Variants in RASAL1 observed in about 807,000 individuals in gnomAD.
The protein encoded by RASAL1 is rasGAP-activating-like protein 1.
RASAL1 carries 72 observed loss-of-function variants against 96.6 expected under a neutral mutation model. The ratio of observed to expected loss-of-function variants is 0.75; its 90% CI spans 0.62 to 0.91. RASAL1 has a LOEUF of 0.91. Among genes scored for constraint, RASAL1 ranks in the 40% least tolerant of loss-of-function variants. RASAL1 has a pLI of 0.00. For missense variants in RASAL1, 1,016 were observed against 1,072.5 expected, an observed-to-expected ratio of 0.95 and a Z score of 0.74; for synonymous variants, 405 against 430.4, an observed-to-expected ratio of 0.94 and a Z score of 0.73.
chr12:113,126,649 G>A (rs1231268870), intron 4 of RASAL1, among the ~76,000 whole-genome samples: 2 of 151,040 alleles, frequency 1.3e-5, no homozygotes, highest in African/African-American at 4.9e-5. Context: ...ACCACTTCAC[G>A]ACAGCCTGGG....
In RASAL1 at chr12:113,111,701, C is replaced by T. The variant is rs1234896631; in HGVS notation, c.1374+385G>A. On this transcript the variant is annotated intron_variant, in intron 13 of 20. Transcript: ENST00000548055. The stretch of plus-strand genomic sequence containing the variant: ...CTCTGTCTCCTGGCTTCAAGCGATT[C>T]TCCTGACTCAGCCTCCGGAGTAGCT... Among the ~76,000 whole-genome samples the T allele has an allele frequency of 2.0e-5, 3 of 152,196 alleles. No individual in the cohort carries two copies. The East Asian group carries it at 5.8e-4, about 29-fold the overall frequency.
chr12:113,136,013 C>T (rs906536860), upstream of RASAL1: 1 of 153,824 alleles, frequency 6.5e-6, no homozygotes, highest in Non-Finnish European at 1.4e-5. Flanking sequence ...CCGCCTGTCC[C>T]TCATCCAACA....
At chr12:113,120,259 C>T (rs980773479) in intron 5 of RASAL1, among the ~76,000 whole-genome samples, 5 of 152,172 alleles carry the variant, frequency 3.3e-5, no homozygotes, top group African/African-American at 9.7e-5. Flanking sequence ...AGTTGCTAAG[C>T]GACAGCAATC....
intron 15 of RASAL1, 150 bp downstream of exon 15, chr12:113,106,947 C>T (rs1950667399): frequency 2.2e-6 from 2 of 894,776 alleles, no homozygotes; most frequent in Admixed American, 2.8e-5. Context: ...ATCTCTGGGG[C>T]CTAGCACAGT....
chr12:113,118,131 AAAT>A (rs1258002914), intron 7 of RASAL1, among the ~76,000 whole-genome samples: 1 of 152,080 alleles, frequency 6.6e-6, no homozygotes, highest in Middle Eastern at 3.2e-3. Context: ...GACTGAGGCA[AAAT>A]AATTCCTTGA....
Position 113,100,664 on chromosome 12 carries a change from C to A in RASAL1, c.2242G>T (p.Asp748Tyr). Reference sequence around the variant, plus strand: ...TCCAGAGTTGTATCCATGTTAGAATCCTCCAGTAATTTCAGCCTGGAAGGT... The same window carrying A: ...TCCAGAGTTGTATCCATGTTAGAATACTCCAGTAATTTCAGCCTGGAAGGT... ...RDQLRLKLLE[D>Y]SNMDTTLEAD... Residue 748 changes from aspartate (D) to tyrosine (Y), a missense_variant, in exon 20 of 21, where the codon GAT becomes TAT. By Grantham distance (160) the Asp-to-Tyr change is radical. Transcript: ENST00000548055. 2 of 1,609,826 alleles carry A rather than the reference C, an allele frequency of 1.2e-6. No individual in the cohort carries two copies. The highest frequency in any genetic ancestry group is 1.7e-5 in the Admixed American group (1 of 59,924).
chr12:113,110,657 C>T (rs924321699), intron 13 of RASAL1, among the ~76,000 whole-genome samples: 5 of 152,174 alleles, frequency 3.3e-5, no homozygotes, highest in Admixed American at 6.5e-5. Flanking sequence ...CGGTGGTTCA[C>T]GCCTGTAGTC....
In RASAL1 at chr12:113,115,091, C is replaced by T. The variant is rs368316612; in HGVS notation, c.1068+109G>A. On this transcript the variant is annotated intron_variant, in intron 11 of 20. Transcript: ENST00000548055. This position sits in a 1 kb window ranked among gnomAD's most constrained non-coding sequence, Gnocchi z 4.1. The stretch of plus-strand genomic sequence containing the variant: ...GGCACCAGCCGCCAGCACTGCAGCT[C>T]GGCTGCTCAGTGCTGTCTGAAGCCA... The T allele has an allele frequency of 2.3e-4, 287 of 1,268,816 alleles. 2 individuals carry two copies. The East Asian group carries it at 2.5e-3, about 11-fold the overall frequency. 78.6% of individuals were successfully genotyped at this position (1,268,816 alleles called of 1,614,324 possible).
rs1190477228 is a variant in RASAL1, at chr12:113,121,608, A to G, written c.329T>C (p.Val110Ala). 1 of 1,614,130 alleles carries G rather than the reference A, an allele frequency of 6.2e-7. No individual in the cohort carries two copies. The highest frequency in any genetic ancestry group is 8.5e-7 in the Non-Finnish European group (1 of 1,180,028). Residue 110 changes from valine to alanine, a missense_variant, in exon 5 of 21, where the codon GTG (valine) becomes GCG (alanine). Coordinates refer to ENST00000548055, the MANE Select transcript of RASAL1 (RefSeq NM_001301202.2). ...ACCCTGCACTTCTGCATCTGGGTCC[A>G]CTCGGCTCAAGTTAATCCAGCTGTC... ...GIDSWINLSR[V>A]DPDAEVQGEI...
intron 1 of RASAL1, among the ~76,000 whole-genome samples, chr12:113,131,246 G>T (rs1951697444): frequency 6.8e-6 from 1 of 147,340 alleles, no homozygotes; most frequent in African/African-American, 2.5e-5. Context: ...CAGAGCGTGT[G>T]TGGGGGGGGT....
chr12:113,121,467 A>T, intron 5 of RASAL1, 42 bp downstream of exon 5: 1 of 1,611,030 alleles, frequency 6.2e-7, no homozygotes, highest in Non-Finnish European at 8.5e-7. Context: ...ACTCCTGCTC[A>T]TTCTCAGACC....
rs567348930 is a variant in RASAL1, at chr12:113,130,189, C to A, written c.122+696G>T. 5.9e-5 allele frequency among the ~76,000 whole-genome samples: 9 copies of A among 152,298 alleles called. No individual in the cohort carries two copies. The East Asian group carries it at 1.7e-3, about 29-fold the overall frequency. On this transcript the variant is annotated intron_variant, in intron 2 of 20. Coordinates refer to ENST00000548055, the MANE Select transcript of RASAL1 (RefSeq NM_001301202.2). The surrounding 1 kb of genome is among the most constrained non-coding windows in gnomAD (Gnocchi z 5.1). ...CCTCCAGGGGCTGAGAGCTGTCCCT[C>A]GGCCTGCGGGGGTGGGAGCCAAGCA...
chr12:113,104,022 C>G lies in RASAL1; in HGVS notation c.2028G>C (p.Pro676=). 7.1e-7 allele frequency: 1 copy of G among 1,398,610 alleles called. No homozygotes were observed. The highest frequency in any genetic ancestry group is 3.6e-5 in the East Asian group (1 of 27,564). The allele number at this position is 1,398,610 out of a possible 1,614,324, so 86.6% of individuals were successfully genotyped here. The part of the protein sequence containing the change: ...SALRKASAPN[P]NKLAACHPGA... The stretch of plus-strand genomic sequence containing the variant: ...CGGGGTGGCAGGCGGCCAGCTTGTT[C>G]GGGTTGGGGGCGCTGGCCTTGCGCA... The change falls in exon 18 of 21, where the codon CCG becomes CCC. Residue 676 remains proline (P), a synonymous_variant. Transcript: ENST00000548055.
At chr12:113,121,754 T>A in intron 4 of RASAL1, 116 bp from the exon 5 acceptor site, 1 of 1,252,266 alleles carries the variant, frequency 8.0e-7, no homozygotes, top group Non-Finnish European at 1.1e-6. Context: ...CAGGGTCTGG[T>A]TCTGTTGCCC....
rs1951635491 is a variant in RASAL1 at position 113,129,843 on chromosome 12, T to A, written c.122+1042A>T. Among the ~76,000 whole-genome samples, 1 of 152,200 alleles carries A rather than the reference T, an allele frequency of 6.6e-6. No homozygotes were observed. The highest frequency in any genetic ancestry group is 1.5e-5 in the Non-Finnish European group (1 of 68,034). On this transcript the variant is annotated intron_variant, in intron 2 of 20. Coordinates refer to ENST00000548055, the MANE Select transcript of RASAL1 (RefSeq NM_001301202.2). The surrounding 1 kb of genome is among the most constrained non-coding windows in gnomAD (Gnocchi z 5.0). ...AACCTGACCTTTTCCCAGCCAAAGGTCTTCTGAACATTCCCCAGCTCCTGA... is the reference window on the plus strand; with the variant it reads ...AACCTGACCTTTTCCCAGCCAAAGGACTTCTGAACATTCCCCAGCTCCTGA...
At position 113,103,963 on chromosome 12, in the gene RASAL1, A is replaced by G; in HGVS notation, c.2087T>C (p.Leu696Pro). 6 of 1,560,614 alleles carry G rather than the reference A, an allele frequency of 3.8e-6. No individual in the cohort carries two copies. The highest frequency in any genetic ancestry group is 2.4e-5 in the East Asian group (1 of 42,226). The change falls in exon 18 of 21, where the codon CTC becomes CCC. Residue 696 changes from leucine (L) to proline (P), a missense_variant. By Grantham distance (98) the Leu-to-Pro change is moderately conservative (BLOSUM62 -3). Transcript: ENST00000548055. ...AFRSARWTCC[L>P]QAERSAAGCS... ...CCCCTCACCTGAGCGCTCAGCCTGGAGGCAGCAGGTCCAGCGCGCGCTGCG... is the reference window on the plus strand; with the variant it reads ...CCCCTCACCTGAGCGCTCAGCCTGGGGGCAGCAGGTCCAGCGCGCGCTGCG...
At chr12:113,104,136 G>A in intron 17 of RASAL1, 25 bp downstream of exon 17, 3 of 1,594,388 alleles carry the variant, frequency 1.9e-6, no homozygotes, top group South Asian at 2.2e-5. Context: ...GACGCCCCCC[G>A]CTCCCCATCG....
chr12:113,101,611 C>A (rs576452563), intron 19 of RASAL1, among the ~76,000 whole-genome samples: 1 of 152,070 alleles, frequency 6.6e-6, no homozygotes, highest in Non-Finnish European at 1.5e-5. Flanking sequence ...ATTTAGCAAG[C>A]GCAGGGGGCC....
chr12:113,113,165 G>A (rs1371730963), intron 12 of RASAL1, among the ~76,000 whole-genome samples: 1 of 152,094 alleles, frequency 6.6e-6, no homozygotes. Context: ...ACAGATTGAG[G>A]GTCTGTCTTG....
Sources: allele counts gnomAD v4.1 joint callset (sites outside exome capture counted in the v4.1 genomes callset), GRCh38; gene constraint gnomAD v4.1.1; non-coding constraint Gnocchi (gnomAD v3.1); transcripts MANE v1.5; gene names NCBI Gene and HGNC (gene_info 2026-07-23, HGNC 2026-07-21).